CEP85L: variants seen among roughly 807,000 people sequenced by gnomAD.
CEP85L encodes the protein centrosomal protein 85L.
In CEP85L, 60 loss-of-function variants were observed where a neutral mutation model predicts 100.3. The observed-to-expected ratio is 0.60, with a 90% CI of 0.49 to 0.74. The LOEUF (loss-of-function observed/expected upper bound fraction) is 0.74. CEP85L is among the 30% of genes least tolerant of loss of function. The pLI is 0.00. For synonymous variants in CEP85L, 319 were observed against 322.7 expected, an observed-to-expected ratio of 0.99 and a Z score of 0.12; for missense variants, 973 against 936.2, an observed-to-expected ratio of 1.04 and a Z score of -0.51.
intron 5 of CEP85L, among the ~76,000 whole-genome samples, chr6:118,509,380 T>C (rs1252975808): frequency 2.0e-5 from 3 of 152,106 alleles, no homozygotes; most frequent in Non-Finnish European, 4.4e-5. Flanking sequence ...TTCCATAGTA[T>C]AGAAATACCA....
chr6:118,596,703 A>G (rs1781475090), intron 2 of CEP85L, among the ~76,000 whole-genome samples: 1 of 152,208 alleles, frequency 6.6e-6, no homozygotes. Context: ...GCAATAATAA[A>G]TGCAACCAGT....
chr6:118,473,565 G>GA (rs55862743), intron 10 of CEP85L, among the ~76,000 whole-genome samples: 3 of 149,008 alleles, frequency 2.0e-5, no homozygotes, highest in Non-Finnish European at 3.0e-5. Flanking sequence ...TTTTATTCTG[G>GA]AAAAAAAAAA....
intron 1 of CEP85L, among the ~76,000 whole-genome samples, chr6:118,697,837 T>A (rs975279966): frequency 2.6e-5 from 4 of 152,166 alleles, no homozygotes; most frequent in African/African-American, 9.7e-5. Context: ...GCAGCTTGTG[T>A]TTCACAGTCA....
At chr6:118,497,938 A>T (rs1334645047) in intron 5 of CEP85L, among the ~76,000 whole-genome samples, 1 of 152,266 alleles carries the variant, frequency 6.6e-6, no homozygotes, top group African/African-American at 2.4e-5. Context: ...GCATGTATGT[A>T]TACATATGCT....
chr6:118,500,053 C>A (rs1163113887), intron 5 of CEP85L, among the ~76,000 whole-genome samples: 2 of 152,186 alleles, frequency 1.3e-5, no homozygotes, highest in Admixed American at 1.3e-4. Flanking sequence ...GTTATCCCAG[C>A]ACCTTGGAAG....
At chr6:118,612,608 C>T (rs1330806677) in intron 2 of CEP85L, among the ~76,000 whole-genome samples, 1 of 137,216 alleles carries the variant, frequency 7.3e-6, no homozygotes, top group Non-Finnish European at 1.5e-5. Context: ...TGGCAGTGAG[C>T]CGAGACTGCA....
intron 3 of CEP85L, among the ~76,000 whole-genome samples, chr6:118,539,961 C>T (rs1777815114): frequency 6.6e-6 from 1 of 151,676 alleles, no homozygotes; most frequent in Admixed American, 6.6e-5. Context: ...CAACAATAAT[C>T]TCATGGTGAA....
rs552555198 is a variant in CEP85L at position 118,515,023 on chromosome 6, C to T, written c.1140-3608G>A. Among the ~76,000 whole-genome samples the T allele has an allele frequency of 3.3e-5, 5 of 151,620 alleles. No individual in the cohort carries two copies. The South Asian group carries it at 1.0e-3, about 32-fold the overall frequency. ...GTGAAATCTCACTATGTTGCCCAGG[C>T]TGGTCTCAAACTCCTGGCTTCAAGT... On this transcript the variant is annotated intron_variant, in intron 4 of 12. Coordinates refer to ENST00000368491, the MANE Select transcript of CEP85L (RefSeq NM_001042475.3).
intron 1 of CEP85L, among the ~76,000 whole-genome samples, chr6:118,696,201 G>T (rs1236980865): frequency 6.6e-6 from 1 of 152,038 alleles, no homozygotes; most frequent in Non-Finnish European, 1.5e-5. Flanking sequence ...AACCCAGGAG[G>T]TTGCAGTGAG....
At position 118,491,702 on chromosome 6, in the gene CEP85L, T is replaced by C. The variant is rs1166816000; in HGVS notation, c.1421A>G (p.Lys474Arg). Residue 474 changes from lysine (K) to arginine (R), a missense_variant, in exon 6 of 13, where the codon AAG becomes AGG. Physicochemically the swap from Lys to Arg is conservative, Grantham distance 26. This residue lies in a region of CEP85L where 890 missense variants were observed against 844.5 expected (regional missense o/e 1.05). Transcript: ENST00000368491. ...AAAACCTACTTTTTCCTCTAGTTTC[T>C]TCTTCTCTTCACTAAATAGGCTTAG... ...QRLSLFSEEK[K>R]KLEEKLKTRD... 7 of 1,612,202 alleles carry C rather than the reference T, an allele frequency of 4.3e-6. No homozygotes were observed. In the Admixed American group the frequency reaches 1.0e-4, roughly 23 times the overall value.
intron 5 of CEP85L, among the ~76,000 whole-genome samples, chr6:118,494,336 A>G (rs1387248898): frequency 6.6e-6 from 1 of 152,154 alleles, no homozygotes; most frequent in Non-Finnish European, 1.5e-5. Context: ...GGGGGAGGGG[A>G]AAAGGAACCA....
At chr6:118,603,240 AT>A (rs58640721) in intron 2 of CEP85L, among the ~76,000 whole-genome samples, 152,318 of 152,320 alleles carry the variant, frequency 1, 76,158 homozygotes, top group Middle Eastern at 1. Flanking sequence ...TGGACCTGAT[AT>A]GAAAGTGACA....
At chr6:118,595,038 C>T (rs1017763976) in intron 2 of CEP85L, among the ~76,000 whole-genome samples, 2 of 152,064 alleles carry the variant, frequency 1.3e-5, no homozygotes, top group Non-Finnish European at 2.9e-5. Context: ...CCTCAAGGTC[C>T]TATACTCCCA....
At chr6:118,663,302 A>G (rs949608097) in intron 1 of CEP85L, among the ~76,000 whole-genome samples, 2 of 152,240 alleles carry the variant, frequency 1.3e-5, no homozygotes, top group African/African-American at 2.4e-5. Flanking sequence ...ATACAGAAAC[A>G]TACACACTGG....
intron 2 of CEP85L, among the ~76,000 whole-genome samples, chr6:118,600,962 T>C (rs1159224012): frequency 1.8e-4 from 28 of 152,234 alleles, no homozygotes; most frequent in Admixed American, 1.8e-3. Flanking sequence ...TACCGTGGAA[T>C]AACCATTTCT....
chr6:118,705,340 TA>T (rs1459835310), intron 1 of CEP85L, among the ~76,000 whole-genome samples: 6 of 152,182 alleles, frequency 3.9e-5, no homozygotes, highest in Non-Finnish European at 8.8e-5. Flanking sequence ...TAACACTAAA[TA>T]AGCACAAAAT....
At chr6:118,591,244 C>T (rs1022113018) in intron 2 of CEP85L, among the ~76,000 whole-genome samples, 2 of 152,138 alleles carry the variant, frequency 1.3e-5, no homozygotes, top group South Asian at 4.1e-4. Context: ...CCAATTCACG[C>T]TGACTTCCTA....
chr6:118,616,349 G>A (rs1773043216), intron 2 of CEP85L, among the ~76,000 whole-genome samples: 1 of 151,784 alleles, frequency 6.6e-6, no homozygotes, highest in African/African-American at 2.4e-5. Context: ...AACATAATAG[G>A]ACCCTGTCCT....
intron 2 of CEP85L, among the ~76,000 whole-genome samples, chr6:118,582,859 C>T (rs780018270): frequency 6.6e-6 from 1 of 152,178 alleles, no homozygotes; most frequent in Non-Finnish European, 1.5e-5. Flanking sequence ...GACCAGATAG[C>T]ACCCTAGAGA....
Sources: gnomAD v4.1 joint callset for allele counts (sites outside exome capture counted in the v4.1 genomes callset) on GRCh38, gnomAD v4.1.1 for gene constraint, gnomAD v4.1.1 regional missense constraint, MANE v1.5 for transcripts, NCBI Gene and HGNC (gene_info 2026-07-23, HGNC 2026-07-21) for gene names.